FMR1NB: variants seen among roughly 807,000 people sequenced by gnomAD.
The protein encoded by FMR1NB is FMR1 neighbor protein.
A neutral mutation model predicts 16.8 loss-of-function variants in FMR1NB; 10 were observed. That is an observed-to-expected ratio of 0.60 (90% confidence interval 0.37 to 1.01). The LOEUF is 1.01. Among genes scored for constraint, FMR1NB ranks in the 50% least tolerant of loss-of-function variants. FMR1NB has a pLI of 0.01. For synonymous variants in FMR1NB, 83 were observed against 79.1 expected, an observed-to-expected ratio of 1.05 and a Z score of -0.26; for missense variants, 205 against 204.8, an observed-to-expected ratio of 1.00 and a Z score of 0.00.
chrX:147,988,388 G>C (rs1363992527), intron 1 of FMR1NB, among the ~76,000 whole-genome samples: 1 of 112,049 alleles, frequency 8.9e-6, no homozygotes. Context: ...CTGTTAGTCT[G>C]ATGGGCTTCC....
intron 2 of FMR1NB, 78 bp from the exon 3 acceptor site, chrX:148,006,624 C>A: frequency 9.5e-7 from 1 of 1,051,060 alleles, no homozygotes; most frequent in South Asian, 2.3e-5. Flanking sequence ...TCTTCTTTGT[C>A]TTCCAGTAAT....
intron 2 of FMR1NB, among the ~76,000 whole-genome samples, chrX:148,005,110 G>A (rs1000097576): frequency 1.8e-5 from 2 of 111,958 alleles, no homozygotes; most frequent in Non-Finnish European, 3.8e-5. Flanking sequence ...GGACGGTCTC[G>A]ATCTCTTGAC....
chrX:148,006,466 C>T (rs2044596791), intron 2 of FMR1NB, among the ~76,000 whole-genome samples: 1 of 112,056 alleles, frequency 8.9e-6, no homozygotes, highest in South Asian at 3.6e-4. Context: ...AACTATCTTA[C>T]CAAAGATTTT....
At chrX:148,009,276 TAGAA>T (rs1298901338) in intron 4 of FMR1NB, among the ~76,000 whole-genome samples, 1 of 111,223 alleles carries the variant, frequency 9.0e-6, no homozygotes, top group Non-Finnish European at 1.9e-5. Context: ...AACCCACAAT[TAGAA>T]GGAAAAATAA....
chrX:147,991,015 T>G (rs1434024309), intron 1 of FMR1NB, among the ~76,000 whole-genome samples: 1 of 110,903 alleles, frequency 9.0e-6, no homozygotes, highest in African/African-American at 3.3e-5. Context: ...CTTTCCTTGC[T>G]CATTTCCCCT....
At chrX:148,013,938 T>G (rs1457712007) in intron 4 of FMR1NB, among the ~76,000 whole-genome samples, 1 of 111,695 alleles carries the variant, frequency 9.0e-6, no homozygotes, top group Non-Finnish European at 1.9e-5. Flanking sequence ...TCTTTTCACT[T>G]ACTCTCCTTG....
intron 2 of FMR1NB, among the ~76,000 whole-genome samples, chrX:148,005,937 C>T (rs188528830): frequency 1.7e-3 from 190 of 111,903 alleles, no homozygotes; most frequent in African/African-American, 5.9e-3. Flanking sequence ...GAGATTGAAC[C>T]GAATCTATTC....
rs180919405 is a variant in FMR1NB at position 147,996,869 on chromosome X, C to T, written c.278-6332C>T. Among the ~76,000 whole-genome samples the T allele has an allele frequency of 2.1e-3, 237 of 111,951 alleles. 1 individual carries two copies. The highest frequency in any genetic ancestry group is 7.5e-3 in the African/African-American group (231 of 30,814). On this transcript the variant is annotated intron_variant, in intron 1 of 5. Coordinates refer to ENST00000370467, the MANE Select transcript of FMR1NB (RefSeq NM_152578.3). ...TTCTTTGTGACAAGGAAACATAATT[C>T]GTTCTTTAATATTTTCTGCTACCAA...
At chrX:148,019,696 T>A (rs1307753918) in intron 4 of FMR1NB, among the ~76,000 whole-genome samples, 1 of 112,134 alleles carries the variant, frequency 8.9e-6, no homozygotes, top group African/African-American at 3.2e-5. Context: ...AAAACCAGAA[T>A]AATTCTCTGG....
At chrX:147,991,097 T>G (rs958855754) in intron 1 of FMR1NB, among the ~76,000 whole-genome samples, 1 of 111,233 alleles carries the variant, frequency 9.0e-6, no homozygotes, top group Non-Finnish European at 1.9e-5. Flanking sequence ...ACAAATGCTT[T>G]CTTTTATCTC....
chrX:147,991,042 T>C (rs2044501677), intron 1 of FMR1NB, among the ~76,000 whole-genome samples: 1 of 111,208 alleles, frequency 9.0e-6, no homozygotes, highest in African/African-American at 3.3e-5. Context: ...AGCCTTTCTT[T>C]ACTCACCTTC....
chrX:148,024,819 A>G (rs782267386), intron 4 of FMR1NB, 46 bp from the exon 5 acceptor site: 36 of 1,185,414 alleles, frequency 3.0e-5, no homozygotes, highest in Middle Eastern at 2.4e-4. Context: ...TTGTTATTCT[A>G]TCACTAATGA....
At chrX:148,010,084 G>A (rs1175445232) in intron 4 of FMR1NB, among the ~76,000 whole-genome samples, 1 of 107,463 alleles carries the variant, frequency 9.3e-6, no homozygotes, top group Non-Finnish European at 1.9e-5. Context: ...TTTTATGGGG[G>A]TGTTCAGGTC....
At position 148,008,602 on chromosome X, in the gene FMR1NB, A is replaced by AT. The variant is rs2044608543; in HGVS notation, c.539-15dup. 1 of 1,199,275 alleles carries AT rather than the reference A, an allele frequency of 8.3e-7. No homozygotes were observed. Among genetic ancestry groups the AT allele is most frequent in the Non-Finnish European group, 1.1e-6 (1 of 887,629 alleles). ...GCTTAAGTCATGAAAGTAACAGGAT[A>AT]TAATTAAACCAACAGTGCCTAAACA... On this transcript the variant is annotated splice_polypyrimidine_tract_variant and intron_variant, in intron 3 of 5. Transcript: ENST00000370467.
At chrX:148,009,178 C>T (rs1193293297) in intron 4 of FMR1NB, among the ~76,000 whole-genome samples, 7 of 111,325 alleles carry the variant, frequency 6.3e-5, no homozygotes, top group African/African-American at 2.3e-4. Flanking sequence ...AGTGAAAATA[C>T]GTCTCAAAAA....
intron 4 of FMR1NB, among the ~76,000 whole-genome samples, chrX:148,021,208 T>C (rs2044676160): frequency 9.0e-6 from 1 of 111,496 alleles, no homozygotes; most frequent in South Asian, 3.8e-4. Context: ...TCACAATTGC[T>C]GCACTCTTTC....
chrX:148,008,744 C>G lies in FMR1NB; in HGVS notation c.632+33C>G, dbSNP rs782806578. On this transcript the variant is annotated intron_variant, in intron 4 of 5. Coordinates refer to ENST00000370467, the MANE Select transcript of FMR1NB (RefSeq NM_152578.3). ...AACATAAACTTTTATTTGCTCGTTG[C>G]TAAGTATACATGAGTATTTGTGTAT... is the stretch of plus-strand genomic sequence containing the variant. 15 of 1,115,501 alleles carry G rather than the reference C, an allele frequency of 1.3e-5. No homozygotes were observed. In the East Asian group the frequency reaches 4.5e-4, roughly 33 times the overall value. The allele number at this position is 1,115,501 out of a possible 1,213,427, so 91.9% of individuals were successfully genotyped here.
intron 1 of FMR1NB, among the ~76,000 whole-genome samples, chrX:147,982,801 G>A (rs1338232213): frequency 9.1e-6 from 1 of 110,065 alleles, no homozygotes; most frequent in Non-Finnish European, 1.9e-5. Context: ...GGCTGAGGCC[G>A]GAGAACGGCA....
chrX:147,985,785 G>T (rs782026602), intron 1 of FMR1NB, among the ~76,000 whole-genome samples: 75 of 112,138 alleles, frequency 6.7e-4, no homozygotes, highest in African/African-American at 2.4e-3. Flanking sequence ...ACATACATGT[G>T]CATGTGTCTT....
Sources: allele counts gnomAD v4.1 joint callset (sites outside exome capture counted in the v4.1 genomes callset), GRCh38; gene constraint gnomAD v4.1.1; transcripts MANE v1.5; gene names NCBI Gene and HGNC (gene_info 2026-07-23, HGNC 2026-07-21).